TASOR2: variants seen among roughly 807,000 people sequenced by gnomAD.
TASOR2 encodes transcription activation suppressor family member 2.
Under a neutral mutation model 199.5 loss-of-function variants are expected in TASOR2, and 84 were observed. The ratio of observed to expected loss-of-function variants is 0.42; its 90% confidence interval spans 0.35 to 0.50. TASOR2 has a LOEUF of 0.50. TASOR2 is among the 20% of genes least tolerant of loss of function. TASOR2 has a pLI of 0.02. For synonymous variants in TASOR2, 1,103 were observed against 1,046.6 expected (o/e 1.05, Z -1.04); for missense variants, 2,796 against 2,835.9 (o/e 0.99, Z 0.32).
intron 15 of TASOR2, 83 bp from the exon 17 acceptor site, chr10:5,756,530 G>C: frequency 7.0e-7 from 1 of 1,437,516 alleles, no homozygotes; most frequent in African/African-American, 1.4e-5. Context: ...AGACTATACT[G>C]CTTTTCATTA....
intron 11 of TASOR2, among the ~76,000 whole-genome samples, chr10:5,733,904 G>C (rs1588796094): frequency 6.6e-6 from 1 of 152,224 alleles, no homozygotes. Flanking sequence ...ATTTGGTAGG[G>C]AGGAAGATAA....
chr10:5,753,038 C>A (rs1418927620), intron 15 of TASOR2, among the ~76,000 whole-genome samples: 1 of 151,580 alleles, frequency 6.6e-6, no homozygotes, highest in Admixed American at 6.6e-5. Flanking sequence ...GTGAAGCAGG[C>A]GGAGTAGGGA....
rs554649500 is a variant in TASOR2, at chr10:5,707,880, A to G, written c.-287-4943A>G. On this transcript the variant is annotated intron_variant, in intron 1 of 20. Transcript: ENST00000328090. ...TGGGAAGTCAATCCAATGTGTCTTT[A>G]ACCACTGTCTCAAAACACATTAGTG... 5.3e-5 allele frequency among the ~76,000 whole-genome samples: 8 copies of G among 152,280 alleles called. No homozygotes were observed. In the East Asian group the frequency reaches 1.5e-3, roughly 29 times the overall value.
At chr10:5,728,037 A>G (rs1834280053) in intron 10 of TASOR2, among the ~76,000 whole-genome samples, 1 of 151,860 alleles carries the variant, frequency 6.6e-6, no homozygotes, top group Non-Finnish European at 1.5e-5. Flanking sequence ...AGCCTAGGCA[A>G]CATGTTGAGA....
intron 11 of TASOR2, among the ~76,000 whole-genome samples, chr10:5,733,098 G>A (rs1835061031): frequency 1.3e-5 from 2 of 152,044 alleles, no homozygotes; most frequent in Admixed American, 1.3e-4. Flanking sequence ...TATATCCACT[G>A]TAAGAAATAT....
chr10:5,757,689 C>T lies in TASOR2; in HGVS notation c.6886+16C>T. The T allele has an allele frequency of 6.2e-7, 1 of 1,610,856 alleles. No individual in the cohort carries two copies. The highest frequency in any genetic ancestry group is 8.5e-7 in the Non-Finnish European group (1 of 1,178,958). On this transcript the variant is annotated intron_variant, in intron 17 of 20. Coordinates refer to ENST00000328090, the Ensembl canonical transcript of TASOR2. Reference sequence around the variant, plus strand: ...GTAACATTAGGTTGGTCTTTATTTTCTTTTCCTGTTTCTTTGAAGTCAGAT... The same window carrying T: ...GTAACATTAGGTTGGTCTTTATTTTTTTTTCCTGTTTCTTTGAAGTCAGAT...
At chr10:5,736,238 G>A (rs568689254) in intron 12 of TASOR2, among the ~76,000 whole-genome samples, 1 of 152,010 alleles carries the variant, frequency 6.6e-6, no homozygotes, top group African/African-American at 2.4e-5. Context: ...GACCAACATG[G>A]AGAAACCCTG....
intron 11 of TASOR2, among the ~76,000 whole-genome samples, chr10:5,734,022 A>G (rs1470147680): frequency 1.3e-5 from 2 of 152,174 alleles, no homozygotes; most frequent in African/African-American, 2.4e-5. Flanking sequence ...TTTTTCTCCT[A>G]CATTTCACTA....
chr10:5,747,192 A>C, exon 15 of TASOR2: 2 of 1,614,096 alleles, frequency 1.2e-6, no homozygotes, highest in Non-Finnish European at 1.7e-6. Context: ...CGTTTGATTC[A>C]GTATTTATCA....
intron 1 of TASOR2, among the ~76,000 whole-genome samples, chr10:5,708,759 G>A (rs1310166688): frequency 1.3e-5 from 2 of 151,180 alleles, no homozygotes; most frequent in African/African-American, 4.9e-5. Flanking sequence ...TGGAGTTCAG[G>A]GGTGCAATCT....
At chr10:5,757,606 C>T in exon 17 of TASOR2, 1 of 1,613,632 alleles carries the variant, frequency 6.2e-7, no homozygotes, top group Non-Finnish European at 8.5e-7. Flanking sequence ...ATCACACCTA[C>T]CAAGAACTGT....
intron 12 of TASOR2, among the ~76,000 whole-genome samples, chr10:5,736,362 G>A (rs1319056337): frequency 1.3e-5 from 2 of 152,012 alleles, no homozygotes; most frequent in Non-Finnish European, 2.9e-5. Context: ...AGGTTGTGGT[G>A]AGCCGAGATC....
chr10:5,753,726 C>T (rs571530776), intron 15 of TASOR2, among the ~76,000 whole-genome samples: 4 of 152,238 alleles, frequency 2.6e-5, no homozygotes, highest in South Asian at 2.1e-4. Flanking sequence ...TGTCTTTGCT[C>T]CAAGTTCCTT....
chr10:5,727,261 AC>A (rs1834166760), intron 10 of TASOR2, 138 bp downstream of exon 11: 1 of 791,914 alleles, frequency 1.3e-6, no homozygotes, highest in African/African-American at 1.7e-5. Context: ...TCACTGGTTC[AC>A]CCTTCTTGAC....
chr10:5,750,665 T>G lies in TASOR2; in HGVS notation c.6606+638T>G, dbSNP rs185192113. On this transcript the variant is annotated intron_variant, in intron 15 of 20. Transcript: ENST00000328090. This position sits in a 1 kb window ranked among gnomAD's most constrained non-coding sequence, Gnocchi z 5.4. ...CAAATTTACATAAAGGTTGCAGAAATAGTACCCTTTACCCAGATACCCCAA... is the reference window on the plus strand; with the variant it reads ...CAAATTTACATAAAGGTTGCAGAAAGAGTACCCTTTACCCAGATACCCCAA... Among the ~76,000 whole-genome samples, 112 of 152,336 alleles carry G rather than the reference T, an allele frequency of 7.4e-4. No homozygotes were observed. Among genetic ancestry groups the G allele is most frequent in the African/African-American group, 2.5e-3 (105 of 41,580 alleles).
At chr10:5,747,379 G>C in exon 15 of TASOR2, 1 of 1,614,126 alleles carries the variant, frequency 6.2e-7, no homozygotes, top group Admixed American at 1.7e-5. Flanking sequence ...TCAGGATGTA[G>C]CTGAGGAAAT....
intron 11 of TASOR2, 46 bp from the exon 13 acceptor site, chr10:5,735,258 A>G (rs769158310): frequency 2.5e-6 from 4 of 1,574,604 alleles, no homozygotes; most frequent in Non-Finnish European, 3.4e-6. Context: ...TATGCTAAGT[A>G]TCTGGGCCCC....
intron 20 of TASOR2, 157 bp from the exon 22 acceptor site, chr10:5,762,872 T>C (rs1840100824): frequency 1.5e-6 from 1 of 674,516 alleles, no homozygotes. Flanking sequence ...TTTTATCTAA[T>C]GTGCATTTTC....
At position 5,748,891 on chromosome 10, in the gene TASOR2, T is replaced by A. The variant is rs201296998; in HGVS notation, c.5470T>A (p.Tyr1824Asn). The A allele has an allele frequency of 1.5e-5, 25 of 1,614,082 alleles. No individual in the cohort carries two copies. The highest frequency in any genetic ancestry group is 2.0e-5 in the Non-Finnish European group (24 of 1,180,042). Residue 1824 changes from tyrosine to asparagine, a missense_variant, in exon 15 of 21, where the codon TAT (tyrosine) becomes AAT (asparagine). Around this residue, in one of 3 missense-constraint regions of TASOR2, gnomAD observed 1,941 missense variants for 1,924.9 expected, o/e 1.01. Transcript: ENST00000328090. The surrounding 1 kb of genome is among the most constrained non-coding windows in gnomAD (Gnocchi z 5.1). ...GGTCGGTGTGAATTCCGACATGCACTATGAACTCTCTGGAGATTCTGATCT... is the reference window on the plus strand; with the variant it reads ...GGTCGGTGTGAATTCCGACATGCACAATGAACTCTCTGGAGATTCTGATCT...
Sources: gnomAD v4.1 joint callset for allele counts (sites outside exome capture counted in the v4.1 genomes callset) on GRCh38, gnomAD v4.1.1 for gene constraint, gnomAD v4.1.1 regional missense constraint, Gnocchi (gnomAD v3.1) non-coding constraint, MANE v1.5 for transcripts, NCBI Gene and HGNC (gene_info 2026-07-23, HGNC 2026-07-21) for gene names.